Variants in PRRC1 observed in about 807,000 individuals in gnomAD.
PRRC1 encodes proline rich coiled-coil 1.
A neutral mutation model predicts 40.7 loss-of-function variants in PRRC1; 39 were observed. That is an observed-to-expected ratio of 0.96 (90% CI 0.74 to 1.25). The LOEUF is 1.25. Among genes scored for constraint, PRRC1 ranks in the 50% most tolerant of loss-of-function variants. PRRC1 has a pLI of 0.00. For synonymous variants in PRRC1, 175 were observed against 193.3 expected (o/e 0.91, Z 0.79); for missense variants, 573 against 548.3 (o/e 1.05, Z -0.45).
chr5:127,524,652 G>T lies in PRRC1; in HGVS notation c.225G>T (p.Val75=). The T allele has an allele frequency of 6.2e-7, 1 of 1,613,990 alleles. No homozygotes were observed. Among genetic ancestry groups the T allele is most frequent in the Non-Finnish European group, 8.5e-7 (1 of 1,180,006 alleles). The change falls in exon 3 of 9, where the codon GTG becomes GTT. Residue 75 remains valine, a synonymous_variant. Transcript: ENST00000296666. The part of the protein sequence containing the change: ...PVRPSAPLPF[V]PPPAVPSVPP... ...GGCCTTCAGCACCATTACCTTTTGT[G>T]CCTCCTCCTGCAGTTCCTTCTGTCC...
At position 127,547,837 on chromosome 5, in the gene PRRC1, T is replaced by A. The variant is rs1435529415; in HGVS notation, c.1044T>A (p.Cys348Ter). The A allele has an allele frequency of 6.2e-7, 1 of 1,612,952 alleles. No individual in the cohort carries two copies. The highest frequency in any genetic ancestry group is 8.5e-7 in the Non-Finnish European group (1 of 1,179,260). Residue 348 changes from cysteine (C) to a stop codon, truncating the protein, a stop_gained, in exon 8 of 9, where the codon TGT becomes TGA. Coordinates refer to ENST00000296666, the MANE Select transcript of PRRC1 (RefSeq NM_130809.5). LOFTEE classifies it high-confidence loss of function. The part of the protein sequence containing the change: ...LLPDKWFDIG[C>*]LVVEDPVHGI... ...GTTGCAGATGGTTTGACATTGGTTG[T>A]TTGGTGGTTGAAGATCCTGTCCATG...
chr5:127,531,864 A>G (rs233036), intron 5 of PRRC1, among the ~76,000 whole-genome samples: 48,254 of 151,636 alleles, frequency 0.32, 7,938 homozygotes, highest in East Asian at 0.55. Flanking sequence ...AAACAAGCTC[A>G]GTGACTTCCA....
chr5:127,546,077 T>C (rs945043562), intron 7 of PRRC1, among the ~76,000 whole-genome samples: 4 of 152,188 alleles, frequency 2.6e-5, no homozygotes, highest in African/African-American at 9.7e-5. Context: ...CTTAATTACA[T>C]GCCCATTCAC....
chr5:127,531,110 A>T (rs139408323), intron 5 of PRRC1, among the ~76,000 whole-genome samples: 1 of 152,236 alleles, frequency 6.6e-6, no homozygotes, highest in Non-Finnish European at 1.5e-5. Context: ...AGTCTTGACT[A>T]TGTTGGTAGT....
chr5:127,531,850 A>G (rs1371222775), intron 5 of PRRC1, among the ~76,000 whole-genome samples: 1 of 151,642 alleles, frequency 6.6e-6, no homozygotes, highest in Non-Finnish European at 1.5e-5. Flanking sequence ...ATTTTTCTAC[A>G]AAGAAACAAG....
chr5:127,519,576 A>G (rs1038073211), intron 1 of PRRC1, among the ~76,000 whole-genome samples: 8 of 147,672 alleles, frequency 5.4e-5, no homozygotes, highest in African/African-American at 2.0e-4. Flanking sequence ...GCTTTTGGAC[A>G]CCACAGTCTC....
At chr5:127,545,291 A>C (rs997761570) in intron 7 of PRRC1, among the ~76,000 whole-genome samples, 1 of 152,004 alleles carries the variant, frequency 6.6e-6, no homozygotes, top group Non-Finnish European at 1.5e-5. Flanking sequence ...TACTGGGTAT[A>C]TACCCAAAGG....
At chr5:127,532,381 A>G (rs1294426712) in intron 5 of PRRC1, among the ~76,000 whole-genome samples, 2 of 152,198 alleles carry the variant, frequency 1.3e-5, no homozygotes, top group Admixed American at 1.3e-4. Context: ...TGCTGGGATT[A>G]CAGGCGTGAA....
At chr5:127,536,659 A>G (rs1022011821) in intron 6 of PRRC1, among the ~76,000 whole-genome samples, 1 of 152,080 alleles carries the variant, frequency 6.6e-6, no homozygotes, top group Non-Finnish European at 1.5e-5. Flanking sequence ...TAAATGTGAT[A>G]TGGAAGTTGG....
chr5:127,526,415 G>A (rs1004695814), intron 3 of PRRC1, among the ~76,000 whole-genome samples: 4 of 152,104 alleles, frequency 2.6e-5, no homozygotes, highest in African/African-American at 9.7e-5. Context: ...AGGATACTTG[G>A]TTTAAGACTA....
At position 127,552,372 on chromosome 5, in the gene PRRC1, C is replaced by T. The variant is rs1265812729; in HGVS notation, c.*456C>T. ...CTACTTTTGTATGTGCACACGATCT[C>T]AGGGCTGGTGCTGAGCAGCCTGCTC... is the stretch of plus-strand genomic sequence containing the variant. On this transcript the variant is annotated 3_prime_UTR_variant, in exon 9 of 9. Coordinates refer to ENST00000296666, the MANE Select transcript of PRRC1 (RefSeq NM_130809.5). 4.0e-6 allele frequency: 4 copies of T among 1,007,520 alleles called. No individual in the cohort carries two copies. The African/African-American group carries it at 7.0e-5, about 18-fold the overall frequency. 62.4% of individuals were successfully genotyped at this position (1,007,520 alleles called of 1,614,324 possible).
intron 7 of PRRC1, among the ~76,000 whole-genome samples, chr5:127,544,363 C>T (rs1768150729): frequency 6.6e-6 from 1 of 152,232 alleles, no homozygotes; most frequent in East Asian, 1.9e-4. Flanking sequence ...TCTGCCCGTT[C>T]TCAGATCTCC....
intron 7 of PRRC1, among the ~76,000 whole-genome samples, chr5:127,544,263 C>T (rs562908823): frequency 4.7e-4 from 72 of 152,264 alleles, no homozygotes; most frequent in African/African-American, 1.6e-3. Context: ...CCCGGCCAGC[C>T]GTGTGAGGTG....
intron 1 of PRRC1, among the ~76,000 whole-genome samples, chr5:127,522,891 C>G (rs1249253679): frequency 2.6e-5 from 4 of 152,118 alleles, no homozygotes; most frequent in Non-Finnish European, 4.4e-5. Flanking sequence ...TCATCACAGC[C>G]TCCCAAAGTC....
chr5:127,534,667 C>T (rs1168424087), intron 6 of PRRC1, among the ~76,000 whole-genome samples: 4 of 152,164 alleles, frequency 2.6e-5, no homozygotes, highest in Admixed American at 1.3e-4. Flanking sequence ...TTCTGACGGT[C>T]ACCTTCTCAT....
intron 7 of PRRC1, 112 bp from the exon 8 acceptor site, chr5:127,547,707 C>A: frequency 1.7e-6 from 1 of 576,564 alleles, no homozygotes; most frequent in South Asian, 4.2e-5. Flanking sequence ...AAAAAGATTT[C>A]CTTTTTGAAA....
chr5:127,545,123 A>T (rs909185069), intron 7 of PRRC1, among the ~76,000 whole-genome samples: 5 of 152,094 alleles, frequency 3.3e-5, no homozygotes, highest in African/African-American at 4.8e-5. Context: ...CAATCATTAA[A>T]AAGTCAGGAA....
Position 127,533,676 on chromosome 5 carries a change from G to A in PRRC1, c.811G>A (p.Ala271Thr). 1 of 1,614,102 alleles carries A rather than the reference G, an allele frequency of 6.2e-7. No homozygotes were observed. The highest frequency in any genetic ancestry group is 8.5e-7 in the Non-Finnish European group (1 of 1,179,984). ...VVTSNKEVKV[A>T]AVRDAFQEVF... is the part of the protein sequence containing the mutation. ...GACCTCAAATAAAGAAGTAAAAGTT[G>A]CTGCTGTCCGAGATGCCTTCCAGGA... Residue 271 changes from alanine (A) to threonine (T), a missense_variant, in exon 6 of 9, where the codon GCT (alanine) becomes ACT (threonine). Physicochemically the swap from Ala to Thr is moderately conservative, Grantham distance 58 (BLOSUM62 0). Coordinates refer to ENST00000296666, the MANE Select transcript of PRRC1 (RefSeq NM_130809.5).
At chr5:127,533,928 A>G (rs905160777) in intron 6 of PRRC1, 142 bp downstream of exon 6, 7 of 827,370 alleles carry the variant, frequency 8.5e-6, no homozygotes, top group Middle Eastern at 2.3e-4. Flanking sequence ...AGACAGCCCT[A>G]TCGTATTATG....
Sources: allele counts gnomAD v4.1 joint callset (sites outside exome capture counted in the v4.1 genomes callset), GRCh38; gene constraint gnomAD v4.1.1; transcripts MANE v1.5; gene names NCBI Gene and HGNC (gene_info 2026-07-23, HGNC 2026-07-21).